KIFC3: variants seen among roughly 807,000 people sequenced by gnomAD.
KIFC3 encodes the protein kinesin-like protein KIFC3.
In KIFC3, 60 loss-of-function variants were observed where a neutral mutation model predicts 101.8. That is an observed-to-expected ratio of 0.59 (90% CI 0.48 to 0.73). KIFC3 has a LOEUF of 0.73. KIFC3 is among the 30% of genes least tolerant of loss of function. KIFC3 has a pLI of 0.00. For synonymous variants in KIFC3, 476 were observed against 482.7 expected (o/e 0.99, Z 0.18); for missense variants, 966 against 1,137.1 (o/e 0.85, Z 2.16).
chr16:57,799,154 T>A (rs1555624669), intron 1 of KIFC3, among the ~76,000 whole-genome samples: 1 of 152,126 alleles, frequency 6.6e-6, no homozygotes. Flanking sequence ...CAGGGATAGG[T>A]CCCTCATGAA....
chr16:57,774,846 A>G (rs2051827187), intron 3 of KIFC3: 1 of 1,354,508 alleles, frequency 7.4e-7, no homozygotes, highest in Admixed American at 3.5e-5. Context: ...TCAGTCTCAA[A>G]GAATACGTAA....
At chr16:57,826,061 C>A (rs782077515) in intron 1 of KIFC3, among the ~76,000 whole-genome samples, 1 of 152,268 alleles carries the variant, frequency 6.6e-6, no homozygotes, top group Non-Finnish European at 1.5e-5. Flanking sequence ...GTCTCCCTCT[C>A]ACCCTTAACC....
rs567893726 is a variant in KIFC3 at position 57,815,718 on chromosome 16, T to A, written c.109-17436A>T. On this transcript the variant is annotated intron_variant, in intron 1 of 2. Coordinates refer to the KIFC3 transcript ENST00000563028. Reference sequence around the variant, plus strand: ...AGAAGGGGAGCAAATATCTGTCTACTCCCTCAACTCCACCCAGCCATGGCT... The same window carrying A: ...AGAAGGGGAGCAAATATCTGTCTACACCCTCAACTCCACCCAGCCATGGCT... 25 of 1,182,668 alleles carry A rather than the reference T, an allele frequency of 2.1e-5. No individual in the cohort carries two copies. In the East Asian group the frequency reaches 1.2e-3, roughly 57 times the overall value. The allele number at this position is 1,182,668 out of a possible 1,614,324, so 73.3% of individuals were successfully genotyped here. A position where few individuals can be genotyped will look rare whatever the true frequency, so the allele number is the denominator to read the frequency against.
Position 57,802,441 on chromosome 16 carries a change from G to A in KIFC3, c.-111C>T, listed in dbSNP as rs1437330250. ...TCGGCCCGGCCCGGCCCGCCGGCAGGAGGCAGCTCCACGCCGCCGCCTCCT... is the reference window on the plus strand; with the variant it reads ...TCGGCCCGGCCCGGCCCGCCGGCAGAAGGCAGCTCCACGCCGCCGCCTCCT... On this transcript the variant is annotated 5_prime_UTR_variant, in exon 1 of 20. Coordinates refer to ENST00000445690, the MANE Select transcript of KIFC3 (RefSeq NM_001130100.2). This position sits in a 1 kb window ranked among gnomAD's most constrained non-coding sequence, Gnocchi z 5.0. 2 of 982,938 alleles carry A rather than the reference G, an allele frequency of 2.0e-6. No individual in the cohort carries two copies. Among genetic ancestry groups the A allele is most frequent in the Non-Finnish European group, 2.4e-6 (2 of 829,010 alleles). 60.9% of individuals were successfully genotyped at this position (982,938 alleles called of 1,614,324 possible).
At chr16:57,806,756 T>C (rs562827418), upstream of KIFC3, among the ~76,000 whole-genome samples, 3 of 152,236 alleles carry the variant, frequency 2.0e-5, no homozygotes, top group Admixed American at 6.5e-5. Flanking sequence ...CTGTGAAAAG[T>C]GTGTCCTCTC....
At chr16:57,785,453 TC>T in intron 3 of KIFC3, 3 of 1,281,082 alleles carry the variant, frequency 2.3e-6, no homozygotes, top group Non-Finnish European at 2.0e-6. Context: ...CATCCCAGCC[TC>T]CCCAGGTACC....
intron 1 of KIFC3, among the ~76,000 whole-genome samples, chr16:57,824,190 T>C (rs542106595): frequency 4.3e-4 from 65 of 152,280 alleles, no homozygotes; most frequent in African/African-American, 1.6e-3. Flanking sequence ...GCAAGCTTTG[T>C]AGATGGAGAT....
At chr16:57,776,457 C>T (rs576313499) in intron 3 of KIFC3, 3 of 975,832 alleles carry the variant, frequency 3.1e-6, no homozygotes, top group South Asian at 9.5e-5. Context: ...AGCCAGGCTG[C>T]CCAGGTTCTA....
chr16:57,832,323 T>C (rs1555479509), intron 1 of KIFC3, among the ~76,000 whole-genome samples: 2 of 100,506 alleles, frequency 2.0e-5, no homozygotes, highest in Admixed American at 9.2e-5. Flanking sequence ...GCCAGGCCCT[T>C]TTTTTTTTTT....
chr16:57,817,576 C>T (rs536627909), intron 1 of KIFC3, among the ~76,000 whole-genome samples: 97 of 152,182 alleles, frequency 6.4e-4, no homozygotes, highest in African/African-American at 2.3e-3. Context: ...AGTCTCTTTC[C>T]ACCTGCACAT....
intron 1 of KIFC3, among the ~76,000 whole-genome samples, chr16:57,811,918 CAAAAA>C (rs533115992): frequency 1.3e-4 from 14 of 107,770 alleles, no homozygotes; most frequent in African/African-American, 1.7e-4. Flanking sequence ...GACTCCGTCT[CAAAAA>C]AAAAAAAAAA....
intron 3 of KIFC3, among the ~76,000 whole-genome samples, chr16:57,785,863 C>T (rs1321668274): frequency 6.6e-6 from 1 of 152,104 alleles, no homozygotes; most frequent in Non-Finnish European, 1.5e-5. Flanking sequence ...AAGACACTTC[C>T]CCAGGCAGCA....
chr16:57,797,827 C>T (rs1555623647), intron 2 of KIFC3: 1 of 1,422,720 alleles, frequency 7.0e-7, no homozygotes, highest in Non-Finnish European at 9.2e-7. Context: ...TGCTCTGTGC[C>T]CGACCCGTGT....
intron 3 of KIFC3, among the ~76,000 whole-genome samples, chr16:57,789,636 G>A (rs2053673260): frequency 6.6e-6 from 1 of 152,268 alleles, no homozygotes; most frequent in African/African-American, 2.4e-5. Flanking sequence ...AACGTGAGAA[G>A]AGGGGAAAGG....
Position 57,760,293 on chromosome 16 carries a change from C to A in KIFC3, c.2356G>T (p.Glu786Ter). 6.2e-7 allele frequency: 1 copy of A among 1,613,206 alleles called. No homozygotes were observed. The highest frequency in any genetic ancestry group is 8.5e-7 in the Non-Finnish European group (1 of 1,179,562). ...RAELGSWSSQ[E>*]HLEWEPACQT... ...GACAGTCCCCGTACCTCTAGATGCT[C>A]CTGGCTTGACCAGGACCCAAGCTCT... is the stretch of plus-strand genomic sequence containing the variant. Residue 786 changes from glutamate (E) to a stop codon, truncating the protein, a stop_gained, in exon 17 of 20, where the codon GAG (glutamate) becomes TAG (stop). Coordinates refer to ENST00000445690, the MANE Select transcript of KIFC3 (RefSeq NM_001130100.2). LOFTEE classifies it high-confidence loss of function.
Position 57,798,274 on chromosome 16 carries a change from C to T in KIFC3, c.-31G>A, listed in dbSNP as rs1555624165. On this transcript the variant is annotated 5_prime_UTR_variant, in exon 2 of 20. The change creates a new upstream start codon in the 5' untranslated region. Coordinates refer to ENST00000445690, the MANE Select transcript of KIFC3 (RefSeq NM_001130100.2). ...GGGGCTCAGCAGCCTCCTCGGGGCA[C>T]CAGGCAGCCTGCGGAGAGAACAAGG... 6.5e-7 allele frequency: 1 copy of T among 1,549,808 alleles called. No homozygotes were observed. The highest frequency in any genetic ancestry group is 8.7e-7 in the Non-Finnish European group (1 of 1,147,854).
rs894428937 is a variant in KIFC3, at chr16:57,767,622, C to T, written c.1219-637G>A. On this transcript the variant is annotated intron_variant, in intron 9 of 19. Coordinates refer to ENST00000445690, the MANE Select transcript of KIFC3 (RefSeq NM_001130100.2). ...TGATATAGTGTTTGCCTATAACCTA[C>T]ACACATCCTCCCATATACTTTATTT... Among the ~76,000 whole-genome samples the T allele has an allele frequency of 2.0e-5, 3 of 152,306 alleles. No individual in the cohort carries two copies. The East Asian group carries it at 5.8e-4, about 29-fold the overall frequency.
At chr16:57,827,421 C>G (rs937171465) in intron 1 of KIFC3, among the ~76,000 whole-genome samples, 1 of 152,248 alleles carries the variant, frequency 6.6e-6, no homozygotes, top group Non-Finnish European at 1.5e-5. Flanking sequence ...CAAGGTTCAC[C>G]CAGGGCAGTT....
At chr16:57,842,207 A>T (rs1011279484) in intron 1 of KIFC3, among the ~76,000 whole-genome samples, 10 of 152,010 alleles carry the variant, frequency 6.6e-5, no homozygotes, top group African/African-American at 2.2e-4. Flanking sequence ...CTCAAAAAAA[A>T]AAATAAAAAA....
Sources: gnomAD v4.1 joint callset for allele counts (sites outside exome capture counted in the v4.1 genomes callset) on GRCh38, gnomAD v4.1.1 for gene constraint, Gnocchi (gnomAD v3.1) non-coding constraint, MANE v1.5 for transcripts, NCBI Gene and HGNC (gene_info 2026-07-23, HGNC 2026-07-21) for gene names.